RUBCN: variants seen among roughly 807,000 people sequenced by gnomAD.
The protein encoded by RUBCN is rubicon autophagy regulator.
Under a neutral mutation model 113.2 loss-of-function variants are expected in RUBCN, and 74 were observed. That is an observed-to-expected ratio of 0.65 (90% CI 0.54 to 0.79). The LOEUF (loss-of-function observed/expected upper bound fraction) is 0.79, where lower values mean the gene tolerates loss of function less well. RUBCN is among the 30% of genes least tolerant of loss of function. The probability of loss-of-function intolerance (pLI) is 0.00; values close to 1 mark genes in which losing one functional copy is unlikely to be tolerated. For missense variants in RUBCN, 1,109 were observed against 1,251.7 expected, an observed-to-expected ratio of 0.89 and a Z score of 1.72; for synonymous variants, 480 against 490.0, an observed-to-expected ratio of 0.98 and a Z score of 0.27.
intron 10 of RUBCN, 45 bp downstream of exon 10, chr3:197,694,330 A>T (rs1722761430): frequency 6.4e-7 from 1 of 1,565,508 alleles, no homozygotes; most frequent in East Asian, 2.2e-5. Context: ...CTTATGCTGA[A>T]GTTGGGAAAA....
chr3:197,697,018 G>T lies in RUBCN; in HGVS notation c.1293C>A (p.Gly431=). ...TGCTTTGACCAGAGTAGGGCAAAGGGCCTCTCAACTTCGCCTTATCATTGC... is the reference window on the plus strand; with the variant it reads ...TGCTTTGACCAGAGTAGGGCAAAGGTCCTCTCAACTTCGCCTTATCATTGC... ...ESCNDKAKLR[G]PLPYSGQSSE... The change falls in exon 8 of 20, where the codon GGC becomes GGA. Residue 431 remains glycine (G), a synonymous_variant. Transcript: ENST00000296343. The T allele has an allele frequency of 6.2e-7, 1 of 1,606,550 alleles. No individual in the cohort carries two copies. The highest frequency in any genetic ancestry group is 8.5e-7 in the Non-Finnish European group (1 of 1,173,168).
chr3:197,728,716 T>G (rs1322761581), intron 1 of RUBCN, among the ~76,000 whole-genome samples: 1 of 152,220 alleles, frequency 6.6e-6, no homozygotes, highest in East Asian at 1.9e-4. Context: ...GAGTCCCATC[T>G]GTCAGAGAAT....
Position 197,678,256 on chromosome 3 carries a change from TCTGA to T in RUBCN, c.2431-719_2431-716del, listed in dbSNP as rs1356912177. ...TACCTGGCTTCAGACTGTCCCACAC[TCTGA>T]CTGACAACTGGCTCCAGACTGTCCT... On this transcript the variant is annotated intron_variant, in intron 16 of 19. Coordinates refer to ENST00000296343, the MANE Select transcript of RUBCN (RefSeq NM_014687.4). 8.0e-5 allele frequency among the ~76,000 whole-genome samples: 12 copies of T among 150,208 alleles called. No individual in the cohort carries two copies. The South Asian group carries it at 1.3e-3, about 16-fold the overall frequency.
intron 10 of RUBCN, 87 bp downstream of exon 10, chr3:197,694,288 C>G (rs1722755374): frequency 8.9e-7 from 1 of 1,127,590 alleles, no homozygotes; most frequent in Non-Finnish European, 1.4e-6. Context: ...AAACATCTGA[C>G]AGCAGAGGAA....
chr3:197,737,282 C>G (rs1444745483), upstream of RUBCN: 2 of 151,826 alleles, frequency 1.3e-5, no homozygotes, highest in East Asian at 3.9e-4. Context: ...CGATTAACCC[C>G]ACTCAGCCCG....
chr3:197,746,244 G>A (rs1300514006), intron 1 of RUBCN, among the ~76,000 whole-genome samples: 1 of 152,238 alleles, frequency 6.6e-6, no homozygotes, highest in East Asian at 1.9e-4. Flanking sequence ...AATGGGGTCA[G>A]TGCTCCAAAG....
chr3:197,742,490 CA>C (rs890443044), intron 1 of RUBCN, among the ~76,000 whole-genome samples: 57 of 145,418 alleles, frequency 3.9e-4, no homozygotes, highest in Middle Eastern at 3.4e-3. Context: ...GAGACTGTCT[CA>C]AAAAAAAAAA....
At position 197,681,781 on chromosome 3, in the gene RUBCN, CG is replaced by C. The variant is rs35596015; in HGVS notation, c.2191+53del. ...TGACACGCCACCTCTCCCTACGTGT[CG>C]GGGAGGGTACAGAGCCTCTGGAGGC... On this transcript the variant is annotated intron_variant, in intron 15 of 19. Transcript: ENST00000296343. The surrounding 1 kb of genome is among the most constrained non-coding windows in gnomAD (Gnocchi z 5.5). The C allele has an allele frequency of 3.4e-6, 5 of 1,481,596 alleles. No individual in the cohort carries two copies. Among genetic ancestry groups the C allele is most frequent in the Non-Finnish European group, 3.8e-6 (4 of 1,059,228 alleles). The allele number at this position is 1,481,596 out of a possible 1,614,324, so 91.8% of individuals were successfully genotyped here.
In RUBCN at chr3:197,697,590, G is replaced by A. The variant is rs1280866767; in HGVS notation, c.1262-541C>T. 2.6e-5 allele frequency among the ~76,000 whole-genome samples: 4 copies of A among 152,192 alleles called. No homozygotes were observed. The East Asian group carries it at 5.8e-4, about 22-fold the overall frequency. ...GAGGGCCCTGTAAGCAAAGGGCTCC[G>A]TTACGGGGCTCGGCCCGGCCTTACT... On this transcript the variant is annotated intron_variant, in intron 7 of 19. Transcript: ENST00000296343.
intron 1 of RUBCN, among the ~76,000 whole-genome samples, chr3:197,728,367 G>T (rs1423013438): frequency 6.6e-6 from 1 of 152,164 alleles, no homozygotes; most frequent in African/African-American, 2.4e-5. Flanking sequence ...ACTAAAAATC[G>T]AACTAGCAAT....
At chr3:197,726,091 C>T (rs1726714251) in intron 1 of RUBCN, among the ~76,000 whole-genome samples, 1 of 152,198 alleles carries the variant, frequency 6.6e-6, no homozygotes, top group Non-Finnish European at 1.5e-5. Flanking sequence ...CCCACTATAG[C>T]TCCTTTATTA....
upstream of RUBCN, among the ~76,000 whole-genome samples, chr3:197,740,981 CAACT>C (rs1181858008): frequency 6.6e-6 from 1 of 152,164 alleles, no homozygotes; most frequent in Non-Finnish European, 1.5e-5. Context: ...TGTCTAACAA[CAACT>C]AATACCTCTA....
At chr3:197,735,807 G>T (rs1280751452) in intron 1 of RUBCN, among the ~76,000 whole-genome samples, 2 of 151,936 alleles carry the variant, frequency 1.3e-5, no homozygotes, top group Non-Finnish European at 1.5e-5. Flanking sequence ...ACCCAGGCTG[G>T]TCTCAAACTC....
At chr3:197,691,774 T>A (rs1722448021) in intron 11 of RUBCN, among the ~76,000 whole-genome samples, 1 of 152,142 alleles carries the variant, frequency 6.6e-6, no homozygotes, top group Admixed American at 6.5e-5. Flanking sequence ...TACCTCACTA[T>A]TCTCCTCCTG....
At chr3:197,713,815 C>T (rs1031382020) in intron 2 of RUBCN, among the ~76,000 whole-genome samples, 5 of 152,036 alleles carry the variant, frequency 3.3e-5, no homozygotes, top group Non-Finnish European at 5.9e-5. Flanking sequence ...TGGCTCATGC[C>T]TGTAATCCCA....
At chr3:197,700,422 A>G in intron 7 of RUBCN, 191 bp downstream of exon 7, 1 of 619,728 alleles carries the variant, frequency 1.6e-6, no homozygotes, top group South Asian at 2.0e-5. Context: ...GTATAAAGAA[A>G]CAAACATAAA....
chr3:197,748,550 A>G (rs1448096815), intron 1 of RUBCN: 1 of 152,204 alleles, frequency 6.6e-6, no homozygotes, highest in African/African-American at 2.4e-5. Context: ...CCAAGATAAG[A>G]CTACTAGGCT....
rs375434222 is a variant in RUBCN at position 197,693,795 on chromosome 3, C to G, written c.1706G>C (p.Ser569Thr). 73 of 1,613,962 alleles carry G rather than the reference C, an allele frequency of 4.5e-5. 1 individual carries two copies. In the East Asian group the frequency reaches 1.4e-3, roughly 31 times the overall value. Residue 569 changes from serine to threonine, a missense_variant, in exon 11 of 20, where the codon AGC becomes ACC. Physicochemically the swap from Ser to Thr is moderately conservative, Grantham distance 58. This residue lies in a region of RUBCN where 736 missense variants were observed against 779.6 expected (regional missense o/e 0.94). Coordinates refer to ENST00000296343, the MANE Select transcript of RUBCN (RefSeq NM_014687.4). ...EHGSFRVTSSSSQFSSRDSAQ... is the reference protein window; with the variant it reads ...EHGSFRVTSSTSQFSSRDSAQ... ...CGAATCACGTGAGCTGAACTGGGAG[C>G]TGCTGGAGGTGACCCGAAAGCCTGT...
chr3:197,740,742 T>A (rs998170723), upstream of RUBCN, among the ~76,000 whole-genome samples: 2 of 151,804 alleles, frequency 1.3e-5, no homozygotes, highest in Non-Finnish European at 2.9e-5. Context: ...TGCCTCAGCC[T>A]CCCGAGTAGC....
Sources: allele counts gnomAD v4.1 joint callset (sites outside exome capture counted in the v4.1 genomes callset), GRCh38; gene constraint gnomAD v4.1.1; regional missense constraint gnomAD v4.1.1; non-coding constraint Gnocchi (gnomAD v3.1); transcripts MANE v1.5; gene names NCBI Gene and HGNC (gene_info 2026-07-23, HGNC 2026-07-21).